The following UTRN variants were observed in gnomAD, a reference collection of about 807,000 sequenced individuals.
UTRN encodes utrophin.
UTRN carries 283 observed loss-of-function variants against 463.9 expected under a neutral mutation model. The observed-to-expected ratio is 0.61, with a 90% CI of 0.55 to 0.67. The LOEUF (loss-of-function observed/expected upper bound fraction) is 0.67. UTRN is among the 30% of genes least tolerant of loss of function. The pLI is 0.00. For missense variants in UTRN, 3,922 were observed against 4,084.3 expected, an observed-to-expected ratio of 0.96 and a Z score of 1.08; for synonymous variants, 1,442 against 1,431.5, an observed-to-expected ratio of 1.01 and a Z score of -0.17.
intron 28 of UTRN, among the ~76,000 whole-genome samples, chr6:144,485,749 T>C (rs1341901731): frequency 1.3e-5 from 2 of 152,270 alleles, no homozygotes; most frequent in Admixed American, 6.5e-5. Flanking sequence ...TTTGACATCT[T>C]ACATTTTAGA....
At chr6:144,411,293 C>T (rs1034867815) in intron 3 of UTRN, among the ~76,000 whole-genome samples, 1 of 152,166 alleles carries the variant, frequency 6.6e-6, no homozygotes, top group Admixed American at 6.5e-5. Flanking sequence ...TTTTGATTTG[C>T]ATTTCCCTGA....
Position 144,487,616 on chromosome 6 carries a change from G to A in UTRN, c.3891G>A (p.Leu1297=). ...AGATTCGAGAGCTTGGCCAGACTCTGATTGATGGGGGGATCCTGGATGATA... is the reference window on the plus strand; with the variant it reads ...AGATTCGAGAGCTTGGCCAGACTCTAATTGATGGGGGGATCCTGGATGATA... ...RTQIRELGQT[L]IDGGILDDII... The change falls in exon 29 of 75, where the codon CTG becomes CTA. Residue 1297 remains leucine (L), a synonymous_variant. Coordinates refer to ENST00000367545, the MANE Select transcript of UTRN (RefSeq NM_007124.3). The A allele has an allele frequency of 1.9e-6, 3 of 1,613,674 alleles. No individual in the cohort carries two copies. The highest frequency in any genetic ancestry group is 2.5e-6 in the Non-Finnish European group (3 of 1,179,782).
intron 2 of UTRN, among the ~76,000 whole-genome samples, chr6:144,369,286 G>A (rs1324015952): frequency 6.6e-6 from 1 of 152,172 alleles, no homozygotes; most frequent in Non-Finnish European, 1.5e-5. Context: ...ACAATATTGT[G>A]TAGTTGTATT....
chr6:144,745,044 G>C (rs13205125), intron 54 of UTRN, among the ~76,000 whole-genome samples: 2 of 152,078 alleles, frequency 1.3e-5, no homozygotes, highest in Non-Finnish European at 2.9e-5. Flanking sequence ...ACTACCTTTT[G>C]GGGGAGGGTT....
intron 2 of UTRN, among the ~76,000 whole-genome samples, chr6:144,339,294 T>C (rs1356320681): frequency 6.6e-6 from 1 of 152,146 alleles, no homozygotes; most frequent in Non-Finnish European, 1.5e-5. Context: ...TTAGGAGGGG[T>C]CAGAAATATT....
intron 2 of UTRN, among the ~76,000 whole-genome samples, chr6:144,335,208 A>T (rs1776627577): frequency 6.6e-6 from 1 of 152,244 alleles, no homozygotes; most frequent in Admixed American, 6.5e-5. Context: ...TTAATGTGAA[A>T]TGGCACATAA....
chr6:144,839,010 G>T, intron 71 of UTRN, 163 bp from the exon 72 acceptor site: 1 of 547,052 alleles, frequency 1.8e-6, no homozygotes, highest in Non-Finnish European at 3.2e-6. Context: ...AAGGACCAAA[G>T]CCCCCACCAA....
intron 60 of UTRN, among the ~76,000 whole-genome samples, chr6:144,780,296 T>C (rs1775705836): frequency 6.6e-6 from 1 of 152,130 alleles, no homozygotes; most frequent in Non-Finnish European, 1.5e-5. Flanking sequence ...TTTTTCATGC[T>C]AAAAGTTAAA....
chr6:144,343,246 T>C (rs1777281677), intron 2 of UTRN, among the ~76,000 whole-genome samples: 1 of 152,154 alleles, frequency 6.6e-6, no homozygotes, highest in African/African-American at 2.4e-5. Flanking sequence ...AAAGTAGATG[T>C]GATCATATGA....
intron 62 of UTRN, among the ~76,000 whole-genome samples, chr6:144,789,583 A>AT (rs1776585306): frequency 6.6e-6 from 1 of 152,154 alleles, no homozygotes; most frequent in Non-Finnish European, 1.5e-5. Context: ...TGAGATTTTC[A>AT]TTTTCTAGCT....
intron 50 of UTRN, among the ~76,000 whole-genome samples, chr6:144,563,786 G>A (rs539543316): frequency 7.2e-5 from 11 of 152,196 alleles, no homozygotes; most frequent in Non-Finnish European, 1.3e-4. Flanking sequence ...CTTCTGTTAC[G>A]TTGTTTTAAT....
chr6:144,361,299 G>A (rs527849218), intron 2 of UTRN, among the ~76,000 whole-genome samples: 3 of 152,318 alleles, frequency 2.0e-5, no homozygotes, highest in East Asian at 1.9e-4. Context: ...ACTGGCTGAT[G>A]TTAGGAAGGG....
At chr6:144,403,909 A>G (rs568865098) in intron 3 of UTRN, among the ~76,000 whole-genome samples, 73 of 152,354 alleles carry the variant, frequency 4.8e-4, no homozygotes, top group African/African-American at 1.8e-3. Flanking sequence ...CTTCTACAAC[A>G]AGATGAAAAA....
chr6:144,487,503 C>A (rs1372252821), intron 28 of UTRN, 45 bp from the exon 29 acceptor site: 1 of 1,533,582 alleles, frequency 6.5e-7, no homozygotes, highest in East Asian at 2.4e-5. Context: ...ATACCTTTTG[C>A]CTTAGTAAAT....
In UTRN at chr6:144,561,304, A is replaced by ATATATACATACACATATATGTGTGTGTT. The variant is rs1387762053; in HGVS notation, c.7289+3998_7289+4025dup. ...ATACACACCTGTGTAACACACATGT[A>ATATATACATACACATATATGTGTGTGTT]TATATACATACACATATATGTGTGT... On this transcript the variant is annotated intron_variant, in intron 50 of 74. Transcript: ENST00000367545. Among the ~76,000 whole-genome samples, 6 of 146,862 alleles carry ATATATACATACACATATATGTGTGTGTT rather than the reference A, an allele frequency of 4.1e-5. No homozygotes were observed. In the East Asian group the frequency reaches 1.2e-3, roughly 29 times the overall value.
rs1479000783 is a variant in UTRN at position 144,852,292 on chromosome 6, A to G, written c.*1295A>G. On this transcript the variant is annotated 3_prime_UTR_variant, in exon 75 of 75. Transcript: ENST00000367545. Reference sequence around the variant, plus strand: ...TGCATTCAATTATGTATTTTGGTTTAGCTTCTGATTTAACATTTAATTGAT... The same window carrying G: ...TGCATTCAATTATGTATTTTGGTTTGGCTTCTGATTTAACATTTAATTGAT... The G allele has an allele frequency of 6.6e-6, 1 of 152,164 alleles. No individual in the cohort carries two copies. The highest frequency in any genetic ancestry group is 2.4e-5 in the African/African-American group (1 of 41,450). 9.4% of individuals were successfully genotyped at this position (152,164 alleles called of 1,614,324 possible).
At chr6:144,352,936 TC>T (rs914617849) in intron 2 of UTRN, among the ~76,000 whole-genome samples, 15 of 152,092 alleles carry the variant, frequency 9.9e-5, no homozygotes, top group African/African-American at 3.6e-4. Flanking sequence ...TTATGTTTCT[TC>T]TTCTTCTTTT....
At chr6:144,433,081 CCTT>C (rs1786044122) in intron 9 of UTRN, among the ~76,000 whole-genome samples, 1 of 151,250 alleles carries the variant, frequency 6.6e-6, no homozygotes, top group Admixed American at 6.6e-5. Context: ...TCCCATGTCT[CCTT>C]CTTTCTACAC....
At position 144,429,739 on chromosome 6, in the gene UTRN, C is replaced by T; in HGVS notation, c.853C>T (p.Gln285Ter). Residue 285 changes from glutamine to a stop codon, truncating the protein, a stop_gained and splice_region_variant, in exon 9 of 75, where the codon CAG becomes TAG. Coordinates refer to ENST00000367545, the MANE Select transcript of UTRN (RefSeq NM_007124.3). LOFTEE classifies it high-confidence loss of function. ...ATGTGAAGAAGAGGCAATTAATATA[C>T]AGGTACAGGTAACATTTTATTAAGA... The part of the protein sequence containing the change: ...KECEEEAINI[Q>*]STAPEEEHES... 1 of 1,606,386 alleles carries T rather than the reference C, an allele frequency of 6.2e-7. No individual in the cohort carries two copies. The highest frequency in any genetic ancestry group is 8.5e-7 in the Non-Finnish European group (1 of 1,177,690).
Sources: allele counts gnomAD v4.1 joint callset (sites outside exome capture counted in the v4.1 genomes callset), GRCh38; gene constraint gnomAD v4.1.1; transcripts MANE v1.5; gene names NCBI Gene and HGNC (gene_info 2026-07-23, HGNC 2026-07-21).